SORCS3: variants seen among roughly 807,000 people sequenced by gnomAD.
SORCS3 encodes the protein VPS10 domain-containing receptor SorCS3.
Under a neutral mutation model 146.3 loss-of-function variants are expected in SORCS3, and 57 were observed. The observed-to-expected ratio is 0.39, with a 90% confidence interval of 0.31 to 0.49. The LOEUF (loss-of-function observed/expected upper bound fraction) is 0.49. Among genes scored for constraint, SORCS3 ranks in the 20% least tolerant of loss-of-function variants. SORCS3 has a pLI of 0.92. For synonymous variants in SORCS3, 653 were observed against 618.5 expected (o/e 1.06, Z -0.83); for missense variants, 1,341 against 1,575.5 (o/e 0.85, Z 2.52).
At chr10:105,000,336 A>ATGTGTGTGTG (rs60887637) in intron 4 of SORCS3, among the ~76,000 whole-genome samples, 8 of 149,336 alleles carry the variant, frequency 5.4e-5, no homozygotes, top group Non-Finnish European at 4.5e-5. Context: ...ACGTGTGTTC[A>ATGTGTGTGTG]TGTGTGTGTG....
At chr10:104,709,080 T>C (rs2016382742) in intron 1 of SORCS3, among the ~76,000 whole-genome samples, 1 of 152,208 alleles carries the variant, frequency 6.6e-6, no homozygotes, top group African/African-American at 2.4e-5. Flanking sequence ...CCCTCCAGTC[T>C]CTCACACTCA....
intron 1 of SORCS3, among the ~76,000 whole-genome samples, chr10:104,839,848 C>T (rs893165417): frequency 4.6e-5 from 7 of 152,184 alleles, no homozygotes; most frequent in Admixed American, 4.6e-4. Flanking sequence ...ATTGGGACAA[C>T]TGCTGGGCTA....
At chr10:104,921,799 C>A (rs2019089982) in intron 3 of SORCS3, among the ~76,000 whole-genome samples, 1 of 152,082 alleles carries the variant, frequency 6.6e-6, no homozygotes, top group Non-Finnish European at 1.5e-5. Flanking sequence ...AGGGTTGGTG[C>A]CACTACCACA....
intron 7 of SORCS3, among the ~76,000 whole-genome samples, chr10:105,126,376 T>A (rs1170291526): frequency 6.6e-6 from 1 of 152,160 alleles, no homozygotes; most frequent in East Asian, 1.9e-4. Flanking sequence ...GTTCCCTCCC[T>A]ACCTTTTCTC....
In SORCS3 at chr10:105,263,334, G is replaced by A. The variant is rs1267842801; in HGVS notation, c.3629G>A (p.Ser1210Asn). 3 of 1,613,990 alleles carry A rather than the reference G, an allele frequency of 1.9e-6. No homozygotes were observed. The highest frequency in any genetic ancestry group is 1.1e-5 in the South Asian group (1 of 91,092). ...GGAGGCATTGCCACTATTGCAAACA[G>A]CGAAAGCACAAAGGAGATCCCCAAC... ...VIGGIATIAN[S>N]ESTKEIPNCT... The change falls in exon 27 of 27, where the codon AGC (serine) becomes AAC (asparagine). Residue 1210 changes from serine to asparagine, a missense_variant. Transcript: ENST00000369701.
chr10:104,741,640 T>C (rs2016843554), intron 1 of SORCS3, among the ~76,000 whole-genome samples: 1 of 148,066 alleles, frequency 6.8e-6, no homozygotes, highest in East Asian at 2.0e-4. Flanking sequence ...CTCAGAAAAA[T>C]AATTTCTATT....
At chr10:105,090,508 G>T (rs1161816791) in intron 6 of SORCS3, among the ~76,000 whole-genome samples, 1 of 152,140 alleles carries the variant, frequency 6.6e-6, no homozygotes, top group Non-Finnish European at 1.5e-5. Flanking sequence ...TCTCAGAGTT[G>T]TTTATACTTA....
chr10:104,993,563 G>A (rs2055006872), intron 4 of SORCS3, among the ~76,000 whole-genome samples: 1 of 152,142 alleles, frequency 6.6e-6, no homozygotes. Context: ...GTCAATATTG[G>A]GCATGAATGT....
At chr10:105,139,304 C>T in intron 7 of SORCS3, 93 bp from the exon 8 acceptor site, 3 of 904,666 alleles carry the variant, frequency 3.3e-6, no homozygotes, top group Non-Finnish European at 3.6e-6. Flanking sequence ...AATTACAAAC[C>T]CATTGTGGTT....
At chr10:105,135,155 G>A (rs1234285065) in intron 7 of SORCS3, among the ~76,000 whole-genome samples, 2 of 152,196 alleles carry the variant, frequency 1.3e-5, no homozygotes. Flanking sequence ...GCCATGGGGT[G>A]AGGATTGGGT....
At chr10:104,988,841 A>G (rs541108566) in intron 4 of SORCS3, among the ~76,000 whole-genome samples, 12 of 152,350 alleles carry the variant, frequency 7.9e-5, no homozygotes, top group Admixed American at 2.6e-4. Context: ...CAAATGTAGG[A>G]AAATCAGACC....
At chr10:104,745,413 G>A (rs1224660163) in intron 1 of SORCS3, among the ~76,000 whole-genome samples, 1 of 152,210 alleles carries the variant, frequency 6.6e-6, no homozygotes, top group Admixed American at 6.5e-5. Context: ...GCAAGTTATG[G>A]CTGACATACA....
chr10:105,098,375 T>G (rs548735396), intron 6 of SORCS3, among the ~76,000 whole-genome samples: 13 of 152,326 alleles, frequency 8.5e-5, no homozygotes, highest in African/African-American at 3.1e-4. Context: ...AATTCCCACA[T>G]TATATTACAT....
intron 3 of SORCS3, among the ~76,000 whole-genome samples, chr10:104,923,567 C>T (rs2133605427): frequency 6.6e-6 from 1 of 152,308 alleles, no homozygotes; most frequent in South Asian, 2.1e-4. Context: ...GCATCACACG[C>T]ATTACCCAGG....
At chr10:104,650,080 G>A (rs1330855789) in intron 1 of SORCS3, among the ~76,000 whole-genome samples, 1 of 152,198 alleles carries the variant, frequency 6.6e-6, no homozygotes, top group Non-Finnish European at 1.5e-5. Context: ...ATTTGTGCCT[G>A]TTGTGAAATG....
chr10:105,025,799 A>ATCCGATGC (rs2055224440), intron 4 of SORCS3, among the ~76,000 whole-genome samples: 1 of 150,076 alleles, frequency 6.7e-6, no homozygotes, highest in African/African-American at 2.5e-5. Context: ...TTGGGTGAAT[A>ATCCGATGC]TCCGATGCCT....
chr10:105,197,518 G>T (rs950702955), intron 14 of SORCS3, among the ~76,000 whole-genome samples: 3 of 152,080 alleles, frequency 2.0e-5, no homozygotes, highest in Non-Finnish European at 2.9e-5. Flanking sequence ...TGGTGATCTG[G>T]TTAATGTAGA....
intron 5 of SORCS3, among the ~76,000 whole-genome samples, chr10:105,089,003 C>G (rs2133740041): frequency 6.6e-6 from 1 of 152,220 alleles, no homozygotes; most frequent in Admixed American, 6.5e-5. Flanking sequence ...TGTGTCAGCT[C>G]TTTTCAGTGG....
chr10:104,797,502 A>AT (rs558516116), intron 1 of SORCS3, among the ~76,000 whole-genome samples: 7,203 of 146,552 alleles, frequency 0.049, 464 homozygotes, highest in African/African-American at 0.15. Flanking sequence ...ATCAAGGCTG[A>AT]TTTTTTTTTT....
Sources: allele counts gnomAD v4.1 joint callset (sites outside exome capture counted in the v4.1 genomes callset), GRCh38; gene constraint gnomAD v4.1.1; transcripts MANE v1.5; gene names NCBI Gene and HGNC (gene_info 2026-07-23, HGNC 2026-07-21).